GALNT16: variants seen among roughly 807,000 people sequenced by gnomAD.
The protein encoded by GALNT16 is polypeptide N-acetylgalactosaminyltransferase 16.
GALNT16 carries 40 observed loss-of-function variants against 76.1 expected under a neutral mutation model. The observed-to-expected ratio is 0.53, with a 90% CI of 0.41 to 0.68. GALNT16 has a LOEUF of 0.68. GALNT16 is among the 30% of genes least tolerant of loss of function. The probability of loss-of-function intolerance (pLI) is 0.00; values close to 1 mark genes in which losing one functional copy is unlikely to be tolerated. For synonymous variants in GALNT16, 276 were observed against 285.2 expected (o/e 0.97, Z 0.32); for missense variants, 621 against 731.9 (o/e 0.85, Z 1.75).
intron 1 of GALNT16, among the ~76,000 whole-genome samples, chr14:69,271,073 G>A (rs1296565420): frequency 6.6e-6 from 1 of 152,192 alleles, no homozygotes; most frequent in Non-Finnish European, 1.5e-5. Context: ...ATGTGTGAGT[G>A]CAGTCTTGGT....
chr14:69,327,668 G>A (rs958970274), intron 5 of GALNT16, among the ~76,000 whole-genome samples: 7 of 152,344 alleles, frequency 4.6e-5, no homozygotes, highest in East Asian at 1.9e-4. Context: ...TCTCCAAGGA[G>A]CTGCTTATAC....
chr14:69,341,881 C>G (rs2045491885), intron 12 of GALNT16, 117 bp downstream of exon 12: 1 of 688,450 alleles, frequency 1.5e-6, no homozygotes, highest in African/African-American at 1.8e-5. Context: ...GGCTTTCTAG[C>G]TGCCGGGTTT....
chr14:69,267,362 G>A (rs1434634793), intron 1 of GALNT16, among the ~76,000 whole-genome samples: 2 of 152,216 alleles, frequency 1.3e-5, no homozygotes, highest in Admixed American at 6.5e-5. Context: ...TATTATATAG[G>A]CAAGATAAGG....
At chr14:69,326,121 C>A in intron 5 of GALNT16, 94 bp downstream of exon 5, 1 of 915,796 alleles carries the variant, frequency 1.1e-6, no homozygotes, top group Non-Finnish European at 1.8e-6. Flanking sequence ...CACACCAAGC[C>A]AACATGGTCC....
At position 69,328,545 on chromosome 14, in the gene GALNT16, C is replaced by T; in HGVS notation, c.664C>T (p.Pro222Ser). 6.2e-7 allele frequency: 1 copy of T among 1,612,058 alleles called. No individual in the cohort carries two copies. The highest frequency in any genetic ancestry group is 8.5e-7 in the Non-Finnish European group (1 of 1,179,732). Residue 222 changes from proline to serine, a missense_variant, in exon 6 of 15, where the codon CCG becomes TCG. Pro to Ser is a moderately conservative substitution (Grantham distance 74, BLOSUM62 -1). Coordinates refer to ENST00000448469, the MANE Select transcript of GALNT16 (RefSeq NM_001168368.2). Reference protein sequence around the residue: ...SHCEVNTEWLPPMLQRVKEDH... With the variant: ...SHCEVNTEWLSPMLQRVKEDH... ...CTGCGAAGTGAACACCGAGTGGCTG[C>T]CGCCCATGCTGCAGCGGGTGAAGGA...
At chr14:69,275,856 G>T (rs1406858926) in intron 1 of GALNT16, among the ~76,000 whole-genome samples, 5 of 152,162 alleles carry the variant, frequency 3.3e-5, no homozygotes, top group African/African-American at 1.2e-4. Context: ...AGTGAGACAT[G>T]TATTAGTCCG....
chr14:69,320,641 G>A, intron 1 of GALNT16, 70 bp from the exon 2 acceptor site: 5 of 1,474,316 alleles, frequency 3.4e-6, no homozygotes, highest in Non-Finnish European at 2.8e-6. Context: ...CGCCTGGTGT[G>A]TGCTGAGCAC....
At chr14:69,274,552 C>T (rs2044447145) in intron 1 of GALNT16, among the ~76,000 whole-genome samples, 1 of 152,150 alleles carries the variant, frequency 6.6e-6, no homozygotes, top group African/African-American at 2.4e-5. Flanking sequence ...CAGTTCTCCA[C>T]GTGGGTCTCC....
At chr14:69,317,710 C>T (rs967119672) in intron 1 of GALNT16, among the ~76,000 whole-genome samples, 4 of 152,264 alleles carry the variant, frequency 2.6e-5, no homozygotes, top group Non-Finnish European at 4.4e-5. Flanking sequence ...CTGCTCATCT[C>T]GGCAACAGGG....
the GALNT16 span, among the ~76,000 whole-genome samples, chr14:69,381,640 A>C: frequency 2.6e-5 from 4 of 152,214 alleles, no homozygotes; most frequent in East Asian, 5.8e-4. Flanking sequence ...TCATTTTTAC[A>C]ACCCTGTGAG....
intron 2 of GALNT16, among the ~76,000 whole-genome samples, chr14:69,322,983 C>T (rs2331961): frequency 0.16 from 6,887 of 43,750 alleles, 322 homozygotes; most frequent in Admixed American, 0.23. Flanking sequence ...TGTGTGTGTG[C>T]GCGCGCACGC....
chr14:69,372,306 G>A, the GALNT16 span, among the ~76,000 whole-genome samples: 1 of 152,188 alleles, frequency 6.6e-6, no homozygotes, highest in East Asian at 1.9e-4. Flanking sequence ...AACATACTCC[G>A]TGTTGGCTGC....
At chr14:69,342,804 T>G (rs1255489859) in intron 12 of GALNT16, among the ~76,000 whole-genome samples, 4 of 152,070 alleles carry the variant, frequency 2.6e-5, no homozygotes, top group Non-Finnish European at 4.4e-5. Flanking sequence ...ATCCACGTGG[T>G]TCATTTCCTC....
intron 1 of GALNT16, among the ~76,000 whole-genome samples, chr14:69,275,119 G>T (rs1266320435): frequency 6.6e-6 from 1 of 152,208 alleles, no homozygotes; most frequent in Non-Finnish European, 1.5e-5. Context: ...CGAGAAAGGG[G>T]TGACCATAGC....
intron 2 of GALNT16, among the ~76,000 whole-genome samples, chr14:69,322,500 T>C (rs2045203335): frequency 6.6e-6 from 1 of 152,220 alleles, no homozygotes; most frequent in Non-Finnish European, 1.5e-5. Flanking sequence ...AAAGGGGGAA[T>C]TGCCCTGGGG....
chr14:69,323,893 GC>G (rs146399246), intron 2 of GALNT16, among the ~76,000 whole-genome samples: 100 of 152,320 alleles, frequency 6.6e-4, no homozygotes, highest in African/African-American at 2.2e-3. Context: ...AAAGAAGATT[GC>G]TATGAAAACC....
At chr14:69,379,785 C>T in the GALNT16 span, among the ~76,000 whole-genome samples, 5 of 152,144 alleles carry the variant, frequency 3.3e-5, no homozygotes, top group African/African-American at 1.2e-4. Context: ...CTGAAAAGGG[C>T]ACAAAGACCT....
At position 69,334,376 on chromosome 14, in the gene GALNT16, G is replaced by A. The variant is rs111945141; in HGVS notation, c.967+776G>A. 4.3e-3 allele frequency among the ~76,000 whole-genome samples: 657 copies of A among 152,358 alleles called. 7 individuals carry two copies. The highest frequency in any genetic ancestry group is 0.015 in the African/African-American group (607 of 41,582). On this transcript the variant is annotated intron_variant, in intron 9 of 14. Coordinates refer to ENST00000448469, the MANE Select transcript of GALNT16 (RefSeq NM_001168368.2). ...GCCCAAACTCTGGACTCCAGTATGTGTGGGCTGGCAAGCCAGTCAACTCTT... is the reference window on the plus strand; with the variant it reads ...GCCCAAACTCTGGACTCCAGTATGTATGGGCTGGCAAGCCAGTCAACTCTT...
chr14:69,326,346 C>T (rs138084883), intron 5 of GALNT16, among the ~76,000 whole-genome samples: 2 of 152,266 alleles, frequency 1.3e-5, no homozygotes, highest in African/African-American at 4.8e-5. Flanking sequence ...TGAGAAAAAT[C>T]CAGAAGCATA....
Sources: allele counts gnomAD v4.1 joint callset (sites outside exome capture counted in the v4.1 genomes callset), GRCh38; gene constraint gnomAD v4.1.1; transcripts MANE v1.5; gene names NCBI Gene and HGNC (gene_info 2026-07-23, HGNC 2026-07-21).